PLA2G4A: variants seen among roughly 807,000 people sequenced by gnomAD.
PLA2G4A encodes the protein phospholipase A2 group IVA, also known as cytosolic phospholipase A2.
Under a neutral mutation model 81.9 loss-of-function variants are expected in PLA2G4A, and 40 were observed. The observed-to-expected ratio is 0.49, with a 90% CI of 0.38 to 0.64. The LOEUF (loss-of-function observed/expected upper bound fraction) is 0.64. Ranked by LOEUF, PLA2G4A falls within the 30% of genes least tolerant of loss-of-function variation. The pLI, the probability that PLA2G4A is intolerant of heterozygous loss-of-function variation, is 0.00. For synonymous variants in PLA2G4A, 302 were observed against 296.9 expected, an observed-to-expected ratio of 1.02 and a Z score of -0.18; for missense variants, 715 against 905.1, an observed-to-expected ratio of 0.79 and a Z score of 2.69.
rs1184214625 is a variant in PLA2G4A, at chr1:186,946,850, T to G, written c.1172-19T>G. 6.2e-7 allele frequency: 1 copy of G among 1,602,816 alleles called. No individual in the cohort carries two copies. Among genetic ancestry groups the G allele is most frequent in the Non-Finnish European group, 8.5e-7 (1 of 1,170,072 alleles). On this transcript the variant is annotated intron_variant, in intron 11 of 17. Transcript: ENST00000367466. ...ACCTGGGATATTTTAAGTTATTTTC[T>G]GTTTCTGTTTTATTTTAGGTGTCTG...
chr1:186,948,480 T>A (rs1384751460), intron 12 of PLA2G4A, among the ~76,000 whole-genome samples: 1 of 146,600 alleles, frequency 6.8e-6, no homozygotes, highest in Non-Finnish European at 1.5e-5. Context: ...TTTGTGGAAA[T>A]AACAAACCCT....
intron 2 of PLA2G4A, among the ~76,000 whole-genome samples, chr1:186,856,849 G>T (rs898222701): frequency 6.6e-5 from 10 of 151,188 alleles, no homozygotes; most frequent in Non-Finnish European, 1.3e-4. Context: ...GAGAGAAAAT[G>T]ACTTTTCTGA....
intron 5 of PLA2G4A, among the ~76,000 whole-genome samples, chr1:186,903,059 G>A (rs1013156638): frequency 6.6e-6 from 1 of 152,008 alleles, no homozygotes; most frequent in South Asian, 2.1e-4. Context: ...TTCCTTACAC[G>A]ATTGAGGTAC....
rs1400061278 is a variant in PLA2G4A at position 186,912,744 on chromosome 1, A to ATG, written c.558+1356_558+1357insGT. On this transcript the variant is annotated intron_variant, in intron 7 of 17. Coordinates refer to ENST00000367466, the MANE Select transcript of PLA2G4A (RefSeq NM_024420.3). ...TATTTATATATACATATATATACATATATATGTATATATATACATAAGTAT... is the reference window on the plus strand; with the variant it reads ...TATTTATATATACATATATATACATATGTATATGTATATATATACATAAGTAT... 1.7e-4 allele frequency among the ~76,000 whole-genome samples: 25 copies of ATG among 143,844 alleles called. No homozygotes were observed. In the East Asian group the frequency reaches 4.1e-3, roughly 24 times the overall value. The allele number at this position is 143,844 out of a possible 152,430, so 94.4% of individuals were successfully genotyped here.
rs537078498 is a variant in PLA2G4A, at chr1:186,890,940, G to A, written c.116-2071G>A. On this transcript the variant is annotated intron_variant, in intron 3 of 17. Coordinates refer to ENST00000367466, the MANE Select transcript of PLA2G4A (RefSeq NM_024420.3). ...AATATTGCCATAATAAATACATGTT[G>A]ATTTTTAATATGAGTGCCACCCCTT... is the stretch of plus-strand genomic sequence containing the variant. Among the ~76,000 whole-genome samples, 156 of 151,408 alleles carry A rather than the reference G, an allele frequency of 1.0e-3. 1 individual carries two copies. The highest frequency in any genetic ancestry group is 3.5e-3 in the African/African-American group (145 of 41,268).
chr1:186,838,863 CA>C (rs574973995), intron 1 of PLA2G4A, among the ~76,000 whole-genome samples: 167 of 151,984 alleles, frequency 1.1e-3, no homozygotes, highest in African/African-American at 3.7e-3. Context: ...ATAGACCATC[CA>C]AAAAAAGGAT....
chr1:186,946,865 T>G lies in PLA2G4A; in HGVS notation c.1172-4T>G, dbSNP rs1263520367. ...AGTTATTTTCTGTTTCTGTTTTATT[T>G]TAGGTGTCTGGGGCAGTGCCTTTTC... On this transcript the variant is annotated splice_region_variant and splice_polypyrimidine_tract_variant and intron_variant, in intron 11 of 17. Coordinates refer to ENST00000367466, the MANE Select transcript of PLA2G4A (RefSeq NM_024420.3). 6.2e-7 allele frequency: 1 copy of G among 1,609,874 alleles called. No individual in the cohort carries two copies. Among genetic ancestry groups the G allele is most frequent in the Non-Finnish European group, 8.5e-7 (1 of 1,176,422 alleles).
In PLA2G4A at chr1:186,988,570, T is replaced by C. The variant is rs1307106958; in HGVS notation, c.*62T>C. The C allele has an allele frequency of 2.0e-6, 3 of 1,482,964 alleles. No individual in the cohort carries two copies. The African/African-American group carries it at 4.2e-5, about 21-fold the overall frequency. The allele number at this position is 1,482,964 out of a possible 1,614,324, so 91.9% of individuals were successfully genotyped here. On this transcript the variant is annotated 3_prime_UTR_variant, in exon 18 of 18. Coordinates refer to ENST00000367466, the MANE Select transcript of PLA2G4A (RefSeq NM_024420.3). Reference sequence around the variant, plus strand: ...AGGCAGTTTGCAATCCCATGACAACTGGATTTAAAAGTACAGTACAGATAG... The same window carrying C: ...AGGCAGTTTGCAATCCCATGACAACCGGATTTAAAAGTACAGTACAGATAG...
intron 5 of PLA2G4A, among the ~76,000 whole-genome samples, chr1:186,896,729 A>G (rs1040989610): frequency 2.0e-5 from 3 of 152,348 alleles, no homozygotes; most frequent in South Asian, 2.1e-4. Flanking sequence ...AAGATTATGT[A>G]ACTATTTTTT....
intron 2 of PLA2G4A, among the ~76,000 whole-genome samples, chr1:186,862,018 C>T (rs1652820612): frequency 6.7e-6 from 1 of 149,586 alleles, no homozygotes; most frequent in Non-Finnish European, 1.5e-5. Flanking sequence ...TTATTATTAA[C>T]ATGAGTGTAG....
intron 10 of PLA2G4A, among the ~76,000 whole-genome samples, chr1:186,944,958 C>CT (rs1656285747): frequency 6.6e-6 from 1 of 151,718 alleles, no homozygotes; most frequent in Non-Finnish European, 1.5e-5. Flanking sequence ...AAATGAGTAA[C>CT]AAAGAAGCTT....
intron 7 of PLA2G4A, among the ~76,000 whole-genome samples, chr1:186,922,792 G>A (rs913792092): frequency 6.6e-6 from 1 of 152,194 alleles, no homozygotes; most frequent in Non-Finnish European, 1.5e-5. Context: ...CCCTGAGTGA[G>A]CAATTCCTGT....
chr1:186,988,753 A>C lies in PLA2G4A; in HGVS notation c.*245A>C. ...AGTATGAACTTCCTGATACAAATGTAGGGATATATACTGTATTTTTAAACA... is the reference window on the plus strand; with the variant it reads ...AGTATGAACTTCCTGATACAAATGTCGGGATATATACTGTATTTTTAAACA... On this transcript the variant is annotated 3_prime_UTR_variant, in exon 18 of 18. Transcript: ENST00000367466. 2.6e-6 allele frequency: 1 copy of C among 384,834 alleles called. No homozygotes were observed. The highest frequency in any genetic ancestry group is 2.3e-5 in the South Asian group (1 of 43,256). 23.8% of individuals were successfully genotyped at this position (384,834 alleles called of 1,614,324 possible).
At chr1:186,877,360 C>T (rs910460429) in intron 3 of PLA2G4A, among the ~76,000 whole-genome samples, 3 of 152,108 alleles carry the variant, frequency 2.0e-5, no homozygotes. Context: ...ACAATTGTTT[C>T]GAACACAATT....
chr1:186,846,117 A>T (rs1232463663), intron 1 of PLA2G4A, among the ~76,000 whole-genome samples: 2 of 152,224 alleles, frequency 1.3e-5, no homozygotes, highest in African/African-American at 4.8e-5. Flanking sequence ...GAACTGAGCT[A>T]ATTCTGGGAC....
intron 3 of PLA2G4A, among the ~76,000 whole-genome samples, chr1:186,880,516 G>A (rs1427143335): frequency 2.0e-5 from 3 of 151,838 alleles, no homozygotes; most frequent in Non-Finnish European, 4.4e-5. Context: ...TGTCAAAATC[G>A]GGTATTTCTA....
At chr1:186,956,722 C>G (rs901984573) in intron 14 of PLA2G4A, among the ~76,000 whole-genome samples, 1 of 152,038 alleles carries the variant, frequency 6.6e-6, no homozygotes, top group African/African-American at 2.4e-5. Flanking sequence ...CCGTGTTGCC[C>G]AAGCTGGTCT....
chr1:186,876,447 T>A (rs1653505225), intron 3 of PLA2G4A, among the ~76,000 whole-genome samples: 1 of 152,122 alleles, frequency 6.6e-6, no homozygotes, highest in Non-Finnish European at 1.5e-5. Context: ...ATTTTGATTG[T>A]GAGCCCTATT....
At chr1:186,943,019 G>T (rs1427742412) in intron 10 of PLA2G4A, among the ~76,000 whole-genome samples, 1 of 152,124 alleles carries the variant, frequency 6.6e-6, no homozygotes, top group Non-Finnish European at 1.5e-5. Flanking sequence ...GGGAAAAAAA[G>T]AATAGAGACA....
Sources: gnomAD v4.1 joint callset for allele counts (sites outside exome capture counted in the v4.1 genomes callset) on GRCh38, gnomAD v4.1.1 for gene constraint, MANE v1.5 for transcripts, NCBI Gene and HGNC (gene_info 2026-07-23, HGNC 2026-07-21) for gene names.